The following PRSS27 variants were observed in gnomAD, a reference collection of about 807,000 sequenced individuals.
PRSS27 encodes serine protease 27.
PRSS27 carries 25 observed loss-of-function variants against 32.0 expected under a neutral mutation model. The observed-to-expected ratio is 0.78, with a 90% CI of 0.57 to 1.09. The LOEUF is 1.09. PRSS27 is among the 50% of genes least tolerant of loss of function. PRSS27 has a pLI of 0.00. For missense variants in PRSS27, 401 were observed against 394.9 expected, an observed-to-expected ratio of 1.02 and a Z score of -0.13; for synonymous variants, 178 against 172.2, an observed-to-expected ratio of 1.03 and a Z score of -0.26.
chr16:2,714,464 T>C lies in PRSS27; in HGVS notation c.237-128A>G. The C allele has an allele frequency of 9.3e-7, 1 of 1,077,718 alleles. No individual in the cohort carries two copies. Among genetic ancestry groups the C allele is most frequent in the South Asian group, 1.4e-5 (1 of 69,752 alleles). The allele number at this position is 1,077,718 out of a possible 1,614,324, so 66.8% of individuals were successfully genotyped here. ...CTCTGCACAATGTCTTCGAGAGTCA[T>C]CTCTAGGACAGCCAGGTGCAGCGGT... On this transcript the variant is annotated intron_variant, in intron 3 of 5. Transcript: ENST00000302641. This position sits in a 1 kb window ranked among gnomAD's most constrained non-coding sequence, Gnocchi z 4.7.
In PRSS27 at chr16:2,717,570, C is replaced by T. The variant is rs1209341060; in HGVS notation, c.47-1044G>A. The T allele has an allele frequency of 6.6e-6, 1 of 152,486 alleles. No individual in the cohort carries two copies. The highest frequency in any genetic ancestry group is 1.5e-5 in the Non-Finnish European group (1 of 68,286). The allele number at this position is 152,486 out of a possible 1,614,324, so 9.4% of individuals were successfully genotyped here. ...GGAGGGGTTAGAACAGCCACCTCCCCACACCTAGGCCCTCAGCTTCCCCTT... is the reference window on the plus strand; with the variant it reads ...GGAGGGGTTAGAACAGCCACCTCCCTACACCTAGGCCCTCAGCTTCCCCTT... On this transcript the variant is annotated intron_variant, in intron 1 of 5. Transcript: ENST00000302641. This position sits in a 1 kb window ranked among gnomAD's most constrained non-coding sequence, Gnocchi z 4.1.
At chr16:2,713,804 C>T (rs1238748673) in intron 4 of PRSS27, 106 bp from the exon 5 acceptor site, 3 of 1,310,250 alleles carry the variant, frequency 2.3e-6, no homozygotes, top group Non-Finnish European at 3.2e-6. Context: ...CATGTTTAGA[C>T]CATCTCTGGC....
At position 2,714,617 on chromosome 16, in the gene PRSS27, G is replaced by A; in HGVS notation, c.237-281C>T. ...TGCAGCTTTCTCACCTGTGCTGTGG[G>A]GACAGTCACAGTGCCTACCTGAAAG... On this transcript the variant is annotated intron_variant, in intron 3 of 5. Transcript: ENST00000302641. The surrounding 1 kb of genome is among the most constrained non-coding windows in gnomAD (Gnocchi z 4.7). 1 of 490,292 alleles carries A rather than the reference G, an allele frequency of 2.0e-6. No individual in the cohort carries two copies. Among genetic ancestry groups the A allele is most frequent in the South Asian group, 2.2e-5 (1 of 46,354 alleles). 30.4% of individuals were successfully genotyped at this position (490,292 alleles called of 1,614,324 possible).
chr16:2,713,389 C>T (rs764583370), intron 5 of PRSS27, 140 bp downstream of exon 5: 8 of 918,318 alleles, frequency 8.7e-6, no homozygotes, highest in South Asian at 2.7e-5. Flanking sequence ...TGAGCCACCA[C>T]ACCCGGCCCT....
chr16:2,716,614 C>T, intron 1 of PRSS27, 88 bp from the exon 2 acceptor site: 2 of 1,320,886 alleles, frequency 1.5e-6, no homozygotes, highest in Non-Finnish European at 2.1e-6. Flanking sequence ...CTGACCCTCC[C>T]CAGCTCCTGA....
Position 2,712,776 on chromosome 16 carries a change from C to A in PRSS27, c.717G>T (p.Gln239His), listed in dbSNP as rs754659126. 2.5e-6 allele frequency: 4 copies of A among 1,588,338 alleles called. No homozygotes were observed. In the African/African-American group the frequency reaches 5.4e-5, roughly 21 times the overall value. Residue 239 changes from glutamine (Q) to histidine (H), a missense_variant, in exon 6 of 6, where the codon CAG becomes CAT. Coordinates refer to ENST00000302641, the MANE Select transcript of PRSS27 (RefSeq NM_031948.5). This position sits in a 1 kb window ranked among gnomAD's most constrained non-coding sequence, Gnocchi z 4.6. ...SGGPLVCLVG[Q>H]SWLQAGVISW... The stretch of plus-strand genomic sequence containing the variant: ...TGATCACCCCCGCCTGCAGCCACGA[C>A]TGACCCACGAGGCACACCAGGGGGC...
At chr16:2,719,928 C>T (rs938558206) in intron 1 of PRSS27, among the ~76,000 whole-genome samples, 187 bp downstream of exon 1, 4 of 152,172 alleles carry the variant, frequency 2.6e-5, no homozygotes, top group African/African-American at 9.6e-5. Context: ...CACCCTGCCT[C>T]CCCACTTTGG....
At chr16:2,713,137 G>C (rs538435048) in intron 5 of PRSS27, 97 of 462,358 alleles carry the variant, frequency 2.1e-4, no homozygotes, top group African/African-American at 5.1e-4. Context: ...CTTGCTCTGT[G>C]GCCCAGGCTG....
chr16:2,714,371 C>T lies in PRSS27; in HGVS notation c.237-35G>A. 1 of 1,604,584 alleles carries T rather than the reference C, an allele frequency of 6.2e-7. No homozygotes were observed. ...GAAACAGAGAGGCGGCGTGAGGCGG[C>T]CCCTCGTGTGGGGACAGGCCCGGGA... On this transcript the variant is annotated intron_variant, in intron 3 of 5. Transcript: ENST00000302641. The surrounding 1 kb of genome is among the most constrained non-coding windows in gnomAD (Gnocchi z 4.7).
In PRSS27 at chr16:2,720,219, A is replaced by T. The variant is rs2067727528; in HGVS notation, c.-59T>A. The T allele has an allele frequency of 2.1e-6, 3 of 1,443,100 alleles. No individual in the cohort carries two copies. In the South Asian group the frequency reaches 3.7e-5, roughly 18 times the overall value. 89.4% of individuals were successfully genotyped at this position (1,443,100 alleles called of 1,614,324 possible). ...TCGGCGGTGGCAGAAGCGTTGGAGC[A>T]CGAGCGAGGTGCAGGCTCCATGAAG... On this transcript the variant is annotated 5_prime_UTR_variant, in exon 1 of 6. Transcript: ENST00000302641.
intron 1 of PRSS27, among the ~76,000 whole-genome samples, chr16:2,719,665 C>T (rs923709269): frequency 1.3e-5 from 2 of 152,250 alleles, no homozygotes; most frequent in East Asian, 1.9e-4. Context: ...CTGGGGCTTC[C>T]GGGCACAGGC....
At position 2,714,152 on chromosome 16, in the gene PRSS27, G is replaced by C. The variant is rs759546284; in HGVS notation, c.421C>G (p.Leu141Val). The C allele has an allele frequency of 6.2e-7, 1 of 1,614,114 alleles. No homozygotes were observed. The highest frequency in any genetic ancestry group is 1.7e-5 in the Admixed American group (1 of 60,024). ...GAGGGGTCAGGCAGGCACACGGGGA[G>C]GATGTAATTGGTGAAGGGCACTGGT... ...EAPVPFTNYI[L>V]PVCLPDPSVI... is the part of the protein sequence containing the mutation. Residue 141 changes from leucine to valine, a missense_variant, in exon 4 of 6, where the codon CTC becomes GTC. By Grantham distance (32) the Leu-to-Val change is conservative. Transcript: ENST00000302641. This position sits in a 1 kb window ranked among gnomAD's most constrained non-coding sequence, Gnocchi z 4.7.
Position 2,715,706 on chromosome 16 carries a change from G to A in PRSS27, c.236+12C>T, listed in dbSNP as rs982413021. ...CAGCGCTATGGGCGGGGGCAGGGGC[G>A]GGCGGACTCACTTGCGGAAGCAGTG... is the stretch of plus-strand genomic sequence containing the variant. On this transcript the variant is annotated intron_variant, in intron 3 of 5. Coordinates refer to ENST00000302641, the MANE Select transcript of PRSS27 (RefSeq NM_031948.5). The A allele has an allele frequency of 6.6e-6, 10 of 1,520,090 alleles. No homozygotes were observed. The highest frequency in any genetic ancestry group is 2.0e-5 in the Admixed American group (1 of 50,734). The allele number at this position is 1,520,090 out of a possible 1,614,324, so 94.2% of individuals were successfully genotyped here.
In PRSS27 at chr16:2,713,688, G is replaced by A. The variant is rs188198556; in HGVS notation, c.519C>T (p.Pro173=). 2.6e-5 allele frequency: 42 copies of A among 1,614,174 alleles called. No homozygotes were observed. The highest frequency in any genetic ancestry group is 8.9e-5 in the East Asian group (4 of 44,880). The change falls in exon 5 of 6, where the codon CCC becomes CCT. Residue 173 remains proline (P), a synonymous_variant. Coordinates refer to ENST00000302641, the MANE Select transcript of PRSS27 (RefSeq NM_031948.5). ...CGAGTTTCTGCAGGATCCGCGGTTC[G>A]GGCAGGAGGTCTGGAGAGGGGCGGA... ...WGSPSEEDLL[P]EPRILQKLAV... is the part of the protein sequence containing the mutation.
chr16:2,713,298 CTG>C, intron 5 of PRSS27: 1 of 542,408 alleles, frequency 1.8e-6, no homozygotes, highest in East Asian at 3.4e-5. Context: ...TGGGGTTTCA[CTG>C]TGTTAGCCAG....
At chr16:2,713,437 G>C in intron 5 of PRSS27, 92 bp downstream of exon 5, 1 of 1,329,082 alleles carries the variant, frequency 7.5e-7, no homozygotes, top group Non-Finnish European at 1.1e-6. Context: ...TCAGCTGGTT[G>C]AATGCATAGC....
intron 1 of PRSS27, among the ~76,000 whole-genome samples, chr16:2,719,746 T>C (rs1372743597): frequency 1.3e-5 from 2 of 152,090 alleles, no homozygotes; most frequent in Non-Finnish European, 2.9e-5. Context: ...TGAGTTCACA[T>C]CCTGCACGTA....
Position 2,714,456 on chromosome 16 carries a change from G to T in PRSS27, c.237-120C>A. The T allele has an allele frequency of 8.7e-7, 1 of 1,154,592 alleles. No individual in the cohort carries two copies. The highest frequency in any genetic ancestry group is 1.2e-6 in the Non-Finnish European group (1 of 806,536). 71.5% of individuals were successfully genotyped at this position (1,154,592 alleles called of 1,614,324 possible). ...ACACCTCTCTCTGCACAATGTCTTC[G>T]AGAGTCATCTCTAGGACAGCCAGGT... On this transcript the variant is annotated intron_variant, in intron 3 of 5. Transcript: ENST00000302641. The surrounding 1 kb of genome is among the most constrained non-coding windows in gnomAD (Gnocchi z 4.7).
rs1379270251 is a variant in PRSS27, at chr16:2,714,329, C to G, written c.244G>C (p.Glu82Gln). 6.2e-7 allele frequency: 1 copy of G among 1,612,602 alleles called. No individual in the cohort carries two copies. The highest frequency in any genetic ancestry group is 1.3e-5 in the African/African-American group (1 of 74,944). The change falls in exon 4 of 6, where the codon GAG becomes CAG. Residue 82 changes from glutamate to glutamine, a missense_variant. By Grantham distance (29) the Glu-to-Gln change is conservative. Transcript: ENST00000302641. This position sits in a 1 kb window ranked among gnomAD's most constrained non-coding sequence, Gnocchi z 4.7. ...TAAHCFRNTS[E>Q]TSLYQVLLGA... Reference sequence around the variant, plus strand: ...AGCAGGACCTGGTACAGGGACGTCTCAGAGGTGCTGGCGGGAGAAACAGAG... The same window carrying G: ...AGCAGGACCTGGTACAGGGACGTCTGAGAGGTGCTGGCGGGAGAAACAGAG...
Sources: allele counts gnomAD v4.1 joint callset (sites outside exome capture counted in the v4.1 genomes callset), GRCh38; gene constraint gnomAD v4.1.1; non-coding constraint Gnocchi (gnomAD v3.1); transcripts MANE v1.5; gene names NCBI Gene and HGNC (gene_info 2026-07-23, HGNC 2026-07-21).